The following MTUS2 variants were observed in gnomAD, a reference collection of about 807,000 sequenced individuals.
MTUS2 encodes the protein microtubule-associated tumor suppressor candidate 2.
A neutral mutation model predicts 114.1 loss-of-function variants in MTUS2; 40 were observed. The observed-to-expected ratio is 0.35, with a 90% CI of 0.27 to 0.46. MTUS2 has a LOEUF of 0.46. MTUS2 is among the 20% of genes least tolerant of loss of function. The pLI is 1.00. For missense variants in MTUS2, 1,679 were observed against 1,705.4 expected (o/e 0.98, Z 0.27); for synonymous variants, 688 against 672.0 (o/e 1.02, Z -0.37).
chr13:29,094,374 CTT>C (rs1050717846), intron 4 of MTUS2, among the ~76,000 whole-genome samples: 2 of 151,406 alleles, frequency 1.3e-5, no homozygotes, highest in African/African-American at 4.9e-5. Flanking sequence ...TTCAATCTCT[CTT>C]TTAGATTTTC....
chr13:29,019,591 A>G (rs1016973359), intron 2 of MTUS2, among the ~76,000 whole-genome samples: 1 of 152,208 alleles, frequency 6.6e-6, no homozygotes, highest in Admixed American at 6.5e-5. Context: ...ACCAGTTACA[A>G]ATGTCTCGGA....
chr13:29,248,946 A>G (rs1217256471), intron 5 of MTUS2, among the ~76,000 whole-genome samples: 1 of 152,234 alleles, frequency 6.6e-6, no homozygotes, highest in South Asian at 2.1e-4. Flanking sequence ...ATATGTATGC[A>G]TGTATCTTTA....
intron 5 of MTUS2, among the ~76,000 whole-genome samples, chr13:29,182,068 C>A (rs1894028899): frequency 6.6e-6 from 1 of 152,160 alleles, no homozygotes; most frequent in Non-Finnish European, 1.5e-5. Context: ...TTGGATGCCC[C>A]TCCCTGGTGG....
chr13:29,091,883 G>A (rs1889967448), intron 4 of MTUS2, among the ~76,000 whole-genome samples: 1 of 152,186 alleles, frequency 6.6e-6, no homozygotes. Flanking sequence ...AGCCAAGAAG[G>A]AACAGTGCAG....
chr13:29,392,153 A>AAC (rs1236853166), intron 8 of MTUS2, among the ~76,000 whole-genome samples: 1 of 151,408 alleles, frequency 6.6e-6, no homozygotes, highest in African/African-American at 2.4e-5. Flanking sequence ...AACCAAAAAA[A>AAC]AAAAAACCAA....
At chr13:29,166,818 G>T (rs182191712) in intron 5 of MTUS2, among the ~76,000 whole-genome samples, 5 of 152,022 alleles carry the variant, frequency 3.3e-5, no homozygotes, top group Admixed American at 2.0e-4. Context: ...AAGTAAAGAT[G>T]TATTGTCTTG....
Position 29,043,703 on chromosome 13 carries a change from T to C in MTUS2, c.2446+9578T>C, listed in dbSNP as rs527412939. ...TCCTTTTATCATTATATAATCTTCC[T>C]GTTTGTCTTTTTTTAACTGCTTTTG... On this transcript the variant is annotated intron_variant, in intron 4 of 15. Transcript: ENST00000612955. Among the ~76,000 whole-genome samples the C allele has an allele frequency of 3.7e-4, 5 of 13,536 alleles. No individual in the cohort carries two copies. The East Asian group carries it at 4.6e-3, about 12-fold the overall frequency. The allele number at this position is 13,536 out of a possible 152,430, so 8.9% of individuals were successfully genotyped here. A position where few individuals can be genotyped will look rare whatever the true frequency, so the allele number is the denominator to read the frequency against.
At chr13:28,961,121 C>G (rs1883307234) in intron 2 of MTUS2, among the ~76,000 whole-genome samples, 1 of 151,966 alleles carries the variant, frequency 6.6e-6, no homozygotes, top group African/African-American at 2.4e-5. Context: ...CATCAGGAAC[C>G]TGTGGGACTC....
chr13:29,015,543 A>G (rs1449612858), intron 2 of MTUS2, among the ~76,000 whole-genome samples: 2 of 152,218 alleles, frequency 1.3e-5, no homozygotes, highest in Non-Finnish European at 2.9e-5. Flanking sequence ...AGTTCTGTAT[A>G]AAGATGCAAA....
In MTUS2 at chr13:29,025,459, G is replaced by GCACTCCCTCAGAGAC. The variant is rs1886485147; in HGVS notation, c.763_777dup (p.Thr255_Thr259dup). ...CCATCTACCTCAGAAAGCAAGCAGA[G>GCACTCCCTCAGAGAC]CACTCCCTCAGAGACCCAAACAGTG... is the stretch of plus-strand genomic sequence containing the variant. On this transcript the variant is annotated inframe_insertion, in exon 3 of 16. Coordinates refer to ENST00000612955, the MANE Select transcript of MTUS2 (RefSeq NM_001033602.4). The GCACTCCCTCAGAGAC allele has an allele frequency of 1.2e-6, 2 of 1,612,478 alleles. No homozygotes were observed. Among genetic ancestry groups the GCACTCCCTCAGAGAC allele is most frequent in the African/African-American group, 2.7e-5 (2 of 74,588 alleles).
At chr13:29,335,409 A>G (rs1323216167) in intron 7 of MTUS2, among the ~76,000 whole-genome samples, 1 of 152,122 alleles carries the variant, frequency 6.6e-6, no homozygotes, top group Non-Finnish European at 1.5e-5. Flanking sequence ...TTCATTAGCA[A>G]TTTTAATTTT....
At chr13:28,883,578 A>G (rs1011947027) in intron 2 of MTUS2, among the ~76,000 whole-genome samples, 1 of 151,568 alleles carries the variant, frequency 6.6e-6, no homozygotes, top group Non-Finnish European at 1.5e-5. Context: ...TTCTGTTAAC[A>G]TAACACTTTT....
At chr13:29,465,295 A>G (rs1879806231) in intron 9 of MTUS2, among the ~76,000 whole-genome samples, 1 of 152,094 alleles carries the variant, frequency 6.6e-6, no homozygotes, top group South Asian at 2.1e-4. Flanking sequence ...TCCTGGTGCA[A>G]TCCTCATTTT....
At chr13:29,287,454 T>G (rs1040604623) in intron 6 of MTUS2, among the ~76,000 whole-genome samples, 8 of 152,060 alleles carry the variant, frequency 5.3e-5, no homozygotes, top group African/African-American at 1.9e-4. Context: ...AAAGAATGCA[T>G]TTTTGAGAAG....
chr13:29,116,725 T>C (rs1891103859), intron 5 of MTUS2, among the ~76,000 whole-genome samples: 1 of 152,138 alleles, frequency 6.6e-6, no homozygotes, highest in African/African-American at 2.4e-5. Flanking sequence ...ATCTGATCAC[T>C]GAGATGGCTA....
chr13:28,842,487 G>A lies in MTUS2; in HGVS notation c.-243+2637G>A, dbSNP rs187519229. On this transcript the variant is annotated intron_variant, in intron 2 of 15. Transcript: ENST00000612955. ...ATATTCCTTATTAGAAAACACAGAC[G>A]GAATATTTGTGAAAACACTGGCTTA... Among the ~76,000 whole-genome samples, 84 of 152,200 alleles carry A rather than the reference G, an allele frequency of 5.5e-4. 2 individuals are homozygous for A. Among genetic ancestry groups the A allele is most frequent in the Admixed American group, 4.3e-3 (66 of 15,294 alleles).
At chr13:28,987,457 A>C (rs749358279) in intron 2 of MTUS2, among the ~76,000 whole-genome samples, 6 of 151,748 alleles carry the variant, frequency 4.0e-5, no homozygotes, top group Non-Finnish European at 8.8e-5. Flanking sequence ...GATGAGGGAG[A>C]GGAAGGAGAT....
At chr13:28,848,588 T>C (rs1876038313) in intron 2 of MTUS2, among the ~76,000 whole-genome samples, 1 of 151,996 alleles carries the variant, frequency 6.6e-6, no homozygotes, top group African/African-American at 2.4e-5. Context: ...CAGAAGTATT[T>C]TCAGTAACAA....
chr13:29,490,162 C>T (rs1881958971), intron 11 of MTUS2: 1 of 152,166 alleles, frequency 6.6e-6, no homozygotes, highest in Non-Finnish European at 1.5e-5. Context: ...GGCAGGCAGA[C>T]CGGAAAGGCC....
Sources: allele counts gnomAD v4.1 joint callset (sites outside exome capture counted in the v4.1 genomes callset), GRCh38; gene constraint gnomAD v4.1.1; transcripts MANE v1.5; gene names NCBI Gene and HGNC (gene_info 2026-07-23, HGNC 2026-07-21).